Variants in IFT80 observed in about 807,000 individuals in gnomAD.
The protein encoded by IFT80 is intraflagellar transport 80, also known as intraflagellar transport protein 80 homolog.
In IFT80, 79 loss-of-function variants were observed where a neutral mutation model predicts 107.9. That is an observed-to-expected ratio of 0.73 (90% CI 0.61 to 0.88). The LOEUF (loss-of-function observed/expected upper bound fraction) is 0.88. Ranked by LOEUF, IFT80 falls within the 40% of genes least tolerant of loss-of-function variation. The pLI is 0.00. For synonymous variants in IFT80, 299 were observed against 300.9 expected (o/e 0.99, Z 0.07); for missense variants, 797 against 914.2 (o/e 0.87, Z 1.65).
At chr3:160,299,042 G>A in intron 12 of IFT80, 1 of 751,348 alleles carries the variant, frequency 1.3e-6, no homozygotes, top group Non-Finnish European at 1.6e-6. Context: ...TAAAATATGT[G>A]GTGTTGAATA....
chr3:160,304,042 T>A, intron 10 of IFT80, 53 bp from the exon 11 acceptor site: 1 of 1,155,952 alleles, frequency 8.7e-7, no homozygotes. Context: ...CCAAATACTT[T>A]TAAATAAGTA....
chr3:160,264,884 T>C (rs577305964), intron 19 of IFT80, among the ~76,000 whole-genome samples: 11 of 152,162 alleles, frequency 7.2e-5, no homozygotes, highest in Non-Finnish European at 1.0e-4. Context: ...TCCTGGAACA[T>C]GTTATTCTCA....
chr3:160,305,888 C>T lies in IFT80; in HGVS notation c.1076+1775G>A, dbSNP rs77036922. Among the ~76,000 whole-genome samples the T allele has an allele frequency of 2.5e-4, 38 of 152,216 alleles. No individual in the cohort carries two copies. The East Asian group carries it at 7.1e-3, about 29-fold the overall frequency. ...TCTGATGTAAGGTAAGTTATCTAAT[C>T]ATTCTCTATGTCCTTTAGCTTCAGC... On this transcript the variant is annotated intron_variant, in intron 10 of 19. Transcript: ENST00000326448.
chr3:160,294,749 T>C lies in IFT80; in HGVS notation c.1315+6134A>G, dbSNP rs144409782. Among the ~76,000 whole-genome samples the C allele has an allele frequency of 3.7e-4, 56 of 152,338 alleles. 1 individual carries two copies. The East Asian group carries it at 9.6e-3, about 26-fold the overall frequency. ...CCTATATTTGTCACAAACACTTGCT[T>C]TGGGAGCTAAGCTAAGCTCCCAGTC... On this transcript the variant is annotated intron_variant, in intron 12 of 19. Coordinates refer to ENST00000326448, the MANE Select transcript of IFT80 (RefSeq NM_020800.3).
intron 5 of IFT80, among the ~76,000 whole-genome samples, chr3:160,369,122 A>G (rs1722061885): frequency 6.6e-6 from 1 of 151,992 alleles, no homozygotes; most frequent in Non-Finnish European, 1.5e-5. Flanking sequence ...GGACAAAGAG[A>G]TAATTCATTT....
At chr3:160,302,667 G>C (rs545249007) in intron 11 of IFT80, among the ~76,000 whole-genome samples, 10 of 151,630 alleles carry the variant, frequency 6.6e-5, no homozygotes, top group Middle Eastern at 3.2e-3. Context: ...AATTTATTTC[G>C]AACTGTTAAA....
rs147136368 is a variant in IFT80 at position 160,371,253 on chromosome 3, C to T, written c.439+4559G>A. Among the ~76,000 whole-genome samples the T allele has an allele frequency of 2.3e-3, 352 of 152,200 alleles. 3 individuals are homozygous for T. The highest frequency in any genetic ancestry group is 7.8e-3 in the African/African-American group (325 of 41,538). On this transcript the variant is annotated intron_variant, in intron 5 of 19. Coordinates refer to ENST00000326448, the MANE Select transcript of IFT80 (RefSeq NM_020800.3). ...AGCTTCACTCCAATGCCAACAAGCC[C>T]ATTTCCTTTCCCATTTCTTCATTCT...
At chr3:160,359,668 A>G (rs909650559) in intron 6 of IFT80, among the ~76,000 whole-genome samples, 17 of 152,184 alleles carry the variant, frequency 1.1e-4, no homozygotes, top group Admixed American at 4.6e-4. Context: ...CTGTTCTGCA[A>G]TATTTGCTAT....
chr3:160,355,972 T>A, intron 8 of IFT80, 41 bp downstream of exon 8: 1 of 1,610,268 alleles, frequency 6.2e-7, no homozygotes, highest in East Asian at 2.2e-5. Context: ...ATTACCACAT[T>A]TATGACAGCA....
chr3:160,379,789 T>C (rs757198233), intron 3 of IFT80, among the ~76,000 whole-genome samples: 3 of 152,210 alleles, frequency 2.0e-5, no homozygotes, highest in Admixed American at 6.5e-5. Flanking sequence ...AGGGCCAATC[T>C]TCTAAGTGCC....
Position 160,375,986 on chromosome 3 carries a change from T to C in IFT80, c.371-106A>G. 4.2e-6 allele frequency: 3 copies of C among 712,412 alleles called. No individual in the cohort carries two copies. In the Admixed American group the frequency reaches 7.6e-5, roughly 18 times the overall value. The allele number at this position is 712,412 out of a possible 1,614,324, so 44.1% of individuals were successfully genotyped here. A position where few individuals can be genotyped will look rare whatever the true frequency, so the allele number is the denominator to read the frequency against. On this transcript the variant is annotated intron_variant, in intron 4 of 19. Transcript: ENST00000326448. ...ACAGTATCTACCGCATATTCTTTTT[T>C]CTTCTAGGCTTCCTGAAATCATGGA...
rs544048524 is a variant in IFT80 at position 160,314,174 on chromosome 3, T to C, written c.957+5586A>G. On this transcript the variant is annotated intron_variant, in intron 9 of 19. Transcript: ENST00000326448. ...TCTTCAATATTACTCTATTATTAGC[T>C]CTTATTTTTACAAGACATAAAATGT... Among the ~76,000 whole-genome samples, 7 of 152,316 alleles carry C rather than the reference T, an allele frequency of 4.6e-5. No homozygotes were observed. In the East Asian group the frequency reaches 1.3e-3, roughly 29 times the overall value.
At chr3:160,342,410 A>C (rs1719975423) in intron 8 of IFT80, among the ~76,000 whole-genome samples, 14 of 152,222 alleles carry the variant, frequency 9.2e-5, no homozygotes, top group Admixed American at 9.2e-4. Flanking sequence ...CATTCCTTTG[A>C]GGGAAGAGAC....
At chr3:160,380,664 G>A (rs553856687) in intron 3 of IFT80, among the ~76,000 whole-genome samples, 4 of 151,866 alleles carry the variant, frequency 2.6e-5, no homozygotes, top group East Asian at 3.9e-4. Context: ...AACAGTTCAC[G>A]TATTTCTAAG....
intron 12 of IFT80, among the ~76,000 whole-genome samples, chr3:160,297,379 G>A (rs1333366291): frequency 1.3e-5 from 2 of 152,012 alleles, no homozygotes. Context: ...TACAAGAAAT[G>A]AAAAGATAGA....
rs544713441 is a variant in IFT80, at chr3:160,313,782, T to C, written c.957+5978A>G. Among the ~76,000 whole-genome samples the C allele has an allele frequency of 1.2e-4, 18 of 152,154 alleles. No individual in the cohort carries two copies. The South Asian group carries it at 3.5e-3, about 30-fold the overall frequency. On this transcript the variant is annotated intron_variant, in intron 9 of 19. Coordinates refer to ENST00000326448, the MANE Select transcript of IFT80 (RefSeq NM_020800.3). Reference sequence around the variant, plus strand: ...AAGCCACCACGCCCGGCTAATTTTTTGTATTTTTAGTAGAGACGGGGTTTC... The same window carrying C: ...AAGCCACCACGCCCGGCTAATTTTTCGTATTTTTAGTAGAGACGGGGTTTC...
At chr3:160,262,975 A>G (rs749538571) in intron 19 of IFT80, among the ~76,000 whole-genome samples, 4 of 152,072 alleles carry the variant, frequency 2.6e-5, no homozygotes, top group Non-Finnish European at 5.9e-5. Context: ...TCCCTTGTCA[A>G]TGTCCTTTTG....
intron 6 of IFT80, among the ~76,000 whole-genome samples, chr3:160,359,876 A>C (rs556663588): frequency 3.9e-5 from 6 of 152,356 alleles, no homozygotes; most frequent in African/African-American, 1.4e-4. Context: ...CCAAAGGTAG[A>C]TAAAACCACA....
At chr3:160,348,842 T>TA (rs1299056495) in intron 8 of IFT80, among the ~76,000 whole-genome samples, 1 of 152,210 alleles carries the variant, frequency 6.6e-6, no homozygotes, top group Non-Finnish European at 1.5e-5. Context: ...CATAATGTGT[T>TA]ATTTCATTTA....
Sources: allele counts gnomAD v4.1 joint callset (sites outside exome capture counted in the v4.1 genomes callset), GRCh38; gene constraint gnomAD v4.1.1; transcripts MANE v1.5; gene names NCBI Gene and HGNC (gene_info 2026-07-23, HGNC 2026-07-21).